KCNB2: variants seen among roughly 807,000 people sequenced by gnomAD.
KCNB2 encodes the protein delayed rectifier potassium channel protein.
KCNB2 carries 15 observed loss-of-function variants against 61.5 expected under a neutral mutation model. The ratio of observed to expected loss-of-function variants is 0.24; its 90% CI spans 0.16 to 0.38. The LOEUF is 0.38. KCNB2 is among the 10% of genes least tolerant of loss of function. The pLI is 1.00. For missense variants in KCNB2, 828 were observed against 1,125.2 expected (o/e 0.74, Z 3.78); for synonymous variants, 457 against 446.0 (o/e 1.02, Z -0.31).
At chr8:72,835,076 A>T (rs1200242171) in intron 2 of KCNB2, among the ~76,000 whole-genome samples, 1 of 152,126 alleles carries the variant, frequency 6.6e-6, no homozygotes, top group Non-Finnish European at 1.5e-5. Flanking sequence ...TACATTACTG[A>T]GGGGGTGGAA....
At chr8:72,837,490 G>A (rs1380520757) in intron 2 of KCNB2, among the ~76,000 whole-genome samples, 1 of 152,190 alleles carries the variant, frequency 6.6e-6, no homozygotes, top group African/African-American at 2.4e-5. Context: ...ATCCTTAGTT[G>A]TGCCATGACA....
At chr8:72,868,201 T>C (rs1805562646) in intron 2 of KCNB2, among the ~76,000 whole-genome samples, 2 of 151,014 alleles carry the variant, frequency 1.3e-5, no homozygotes, top group Admixed American at 1.3e-4. Context: ...CCTCCCAAAG[T>C]GCTTGATTAC....
At chr8:72,659,637 C>T (rs926092580) in intron 2 of KCNB2, among the ~76,000 whole-genome samples, 4 of 152,094 alleles carry the variant, frequency 2.6e-5, no homozygotes, top group South Asian at 2.1e-4. Flanking sequence ...GTCAATATGG[C>T]GAACTTCATT....
Position 72,850,190 on chromosome 8 carries a change from A to AGTGT in KCNB2, c.580-85718_580-85715dup, listed in dbSNP as rs745821437. On this transcript the variant is annotated intron_variant, in intron 2 of 2. Coordinates refer to ENST00000523207, the MANE Select transcript of KCNB2 (RefSeq NM_004770.3). Reference sequence around the variant, plus strand: ...ATATTTGGGTGTGTGAGTGTATGTAAGTGTGTGTGTGTGTGTGTGTGTGTG... The same window carrying AGTGT: ...ATATTTGGGTGTGTGAGTGTATGTAAGTGTGTGTGTGTGTGTGTGTGTGTGTGTG... Among the ~76,000 whole-genome samples, 816 of 87,938 alleles carry AGTGT rather than the reference A, an allele frequency of 9.3e-3. 6 individuals are homozygous for AGTGT. Among genetic ancestry groups the AGTGT allele is most frequent in the African/African-American group, 0.025 (681 of 26,888 alleles). The allele number at this position is 87,938 out of a possible 152,430, so 57.7% of individuals were successfully genotyped here. A position where few individuals can be genotyped will look rare whatever the true frequency, so the allele number is the denominator to read the frequency against.
chr8:72,770,358 T>C (rs1808538627), intron 2 of KCNB2, among the ~76,000 whole-genome samples: 5 of 152,212 alleles, frequency 3.3e-5, no homozygotes. Context: ...GTGTGTGTGC[T>C]TAATTGAGAA....
intron 2 of KCNB2, among the ~76,000 whole-genome samples, chr8:72,813,845 G>A (rs1355529894): frequency 6.6e-6 from 1 of 152,146 alleles, no homozygotes; most frequent in Non-Finnish European, 1.5e-5. Flanking sequence ...AGTCATGAGT[G>A]CATGCTTTTT....
At chr8:72,651,449 A>AC (rs1270302173) in intron 2 of KCNB2, among the ~76,000 whole-genome samples, 2 of 152,144 alleles carry the variant, frequency 1.3e-5, no homozygotes, top group African/African-American at 4.8e-5. Context: ...TGAAGTACTT[A>AC]CCATCAAACA....
chr8:72,628,899 C>G (rs1385589002), intron 2 of KCNB2, among the ~76,000 whole-genome samples: 1 of 152,190 alleles, frequency 6.6e-6, no homozygotes, highest in Non-Finnish European at 1.5e-5. Context: ...TCCTCCACAT[C>G]AAATCTTCAG....
intron 2 of KCNB2, among the ~76,000 whole-genome samples, chr8:72,758,377 G>C (rs912264977): frequency 1.3e-5 from 2 of 152,174 alleles, no homozygotes; most frequent in African/African-American, 4.8e-5. Context: ...TGCCAGGCAG[G>C]TGTGGCAAAG....
chr8:72,667,009 G>GAGAGAA (rs1178129483), intron 2 of KCNB2, among the ~76,000 whole-genome samples: 1 of 150,818 alleles, frequency 6.6e-6, no homozygotes, highest in African/African-American at 2.5e-5. Flanking sequence ...GTGTGTGTGA[G>GAGAGAA]AGAGAGAGAG....
In KCNB2 at chr8:72,870,029, A is replaced by G. The variant is rs76668142; in HGVS notation, c.580-65906A>G. ...CAGCCTTAAAAAAGGAAATCTTACC[A>G]TATGCAACAACCATATGGATGAACC... On this transcript the variant is annotated intron_variant, in intron 2 of 2. Transcript: ENST00000523207. Among the ~76,000 whole-genome samples the G allele has an allele frequency of 2.9e-3, 448 of 152,344 alleles. 3 individuals carry two copies. The highest frequency in any genetic ancestry group is 9.9e-3 in the African/African-American group (411 of 41,584).
At chr8:72,545,028 A>G (rs1416134669) in intron 1 of KCNB2, among the ~76,000 whole-genome samples, 1 of 152,146 alleles carries the variant, frequency 6.6e-6, no homozygotes, top group Admixed American at 6.5e-5. Flanking sequence ...TGTATCATGG[A>G]AAGGGAAGCA....
chr8:72,537,993 T>C (rs1806140246), intron 1 of KCNB2, 108 bp downstream of exon 1: 1 of 152,082 alleles, frequency 6.6e-6, no homozygotes, highest in Admixed American at 6.5e-5. Context: ...GAAACTGCCA[T>C]ATGGCGCCCA....
chr8:72,700,955 T>C (rs541857661), intron 2 of KCNB2, among the ~76,000 whole-genome samples: 7 of 152,288 alleles, frequency 4.6e-5, no homozygotes, highest in Non-Finnish European at 8.8e-5. Context: ...CTGGAGGCCA[T>C]TACTCTAAGC....
At chr8:72,755,022 T>C (rs1808264776) in intron 2 of KCNB2, among the ~76,000 whole-genome samples, 1 of 152,140 alleles carries the variant, frequency 6.6e-6, no homozygotes. Flanking sequence ...AAGATACTCT[T>C]GGTAAGATAT....
chr8:72,651,829 A>G (rs1806215111), intron 2 of KCNB2, among the ~76,000 whole-genome samples: 1 of 152,104 alleles, frequency 6.6e-6, no homozygotes, highest in Non-Finnish European at 1.5e-5. Context: ...AATTTAGTAT[A>G]TGTAACTGTC....
intron 2 of KCNB2, among the ~76,000 whole-genome samples, chr8:72,769,773 T>C (rs1376751786): frequency 1.3e-5 from 2 of 152,154 alleles, no homozygotes; most frequent in Non-Finnish European, 2.9e-5. Context: ...TTTTGTGAAT[T>C]TCTGGGAGGT....
At chr8:72,576,276 A>G (rs1806792993) in intron 2 of KCNB2, among the ~76,000 whole-genome samples, 1 of 152,212 alleles carries the variant, frequency 6.6e-6, no homozygotes, top group African/African-American at 2.4e-5. Flanking sequence ...TGCATTATGT[A>G]TAATGTAAGC....
intron 2 of KCNB2, among the ~76,000 whole-genome samples, chr8:72,664,731 C>G (rs902064368): frequency 3.9e-5 from 6 of 152,220 alleles, no homozygotes; most frequent in African/African-American, 1.4e-4. Flanking sequence ...CCTACCCACC[C>G]AGTACTGCTT....
Sources: gnomAD v4.1 joint callset for allele counts (sites outside exome capture counted in the v4.1 genomes callset) on GRCh38, gnomAD v4.1.1 for gene constraint, MANE v1.5 for transcripts, NCBI Gene and HGNC (gene_info 2026-07-23, HGNC 2026-07-21) for gene names.